Variants in SNX5 observed in about 807,000 individuals in gnomAD.
SNX5 encodes sorting nexin 5, also known as sorting nexin-5.
In SNX5, 31 loss-of-function variants were observed where a neutral mutation model predicts 53.9. The ratio of observed to expected loss-of-function variants is 0.58; its 90% CI spans 0.43 to 0.78. The LOEUF (loss-of-function observed/expected upper bound fraction) is 0.78, where lower values mean the gene tolerates loss of function less well. SNX5 is among the 30% of genes least tolerant of loss of function. SNX5 has a pLI of 0.00. For missense variants in SNX5, 471 were observed against 478.8 expected, an observed-to-expected ratio of 0.98 and a Z score of 0.15; for synonymous variants, 168 against 171.1, an observed-to-expected ratio of 0.98 and a Z score of 0.14.
intron 11 of SNX5, chr20:17,944,346 G>A (rs775746943): frequency 2.0e-5 from 3 of 151,966 alleles, no homozygotes; most frequent in Admixed American, 6.5e-5. Context: ...AATGAAAGAT[G>A]TTAATTAGCT....
chr20:17,952,621 C>A lies in SNX5; in HGVS notation c.479G>T (p.Arg160Leu). 1 of 1,613,728 alleles carries A rather than the reference C, an allele frequency of 6.2e-7. No homozygotes were observed. Among genetic ancestry groups the A allele is most frequent in the South Asian group, 1.1e-5 (1 of 91,020 alleles). ...ATATTCCAGGAAAACATGAAAGTTG[C>A]GATCTTTACTGAGAACAGGGTGAGA... ...LSSHPVLSKD[R>L]NFHVFLEYDQ... Residue 160 changes from arginine to leucine, a missense_variant, in exon 5 of 13, where the codon CGC (arginine) becomes CTC (leucine). By Grantham distance (102) the Arg-to-Leu change is moderately radical. Coordinates refer to ENST00000377759, the MANE Select transcript of SNX5 (RefSeq NM_014426.4).
intron 3 of SNX5, among the ~76,000 whole-genome samples, chr20:17,954,913 T>C (rs933950860): frequency 3.3e-5 from 5 of 152,210 alleles, no homozygotes; most frequent in African/African-American, 9.7e-5. Flanking sequence ...GGTCTCATCA[T>C]GTTGCCCAGG....
chr20:17,952,222 C>CA (rs2039580526), intron 5 of SNX5, among the ~76,000 whole-genome samples: 1 of 150,970 alleles, frequency 6.6e-6, no homozygotes, highest in Non-Finnish European at 1.5e-5. Context: ...GATTCTGCCT[C>CA]AAAAAAGAAA....
In SNX5 at chr20:17,943,212, T is replaced by C; in HGVS notation, c.1079-17A>G. ...TTATCAGTTCTACAGGAAGAAAAAA[T>C]GTTTATGAAACCAAGAAAAACTAAA... is the stretch of plus-strand genomic sequence containing the variant. On this transcript the variant is annotated splice_polypyrimidine_tract_variant and intron_variant, in intron 11 of 12. Coordinates refer to ENST00000377759, the MANE Select transcript of SNX5 (RefSeq NM_014426.4). 6.5e-7 allele frequency: 1 copy of C among 1,544,220 alleles called. No individual in the cohort carries two copies. The highest frequency in any genetic ancestry group is 2.2e-5 in the East Asian group (1 of 44,582).
At chr20:17,958,628 A>G (rs191644778) in intron 1 of SNX5, among the ~76,000 whole-genome samples, 1 of 152,286 alleles carries the variant, frequency 6.6e-6, no homozygotes, top group Admixed American at 6.5e-5. Flanking sequence ...TTCCACATGA[A>G]TTCTTGATAA....
rs369976519 is a variant in SNX5, at chr20:17,965,656, G to C, written c.51+2719C>G. ...ACTGCACTCCCGCCTGGGTGACAGA[G>C]CCAGACCCTGTCTCAAAAAAAAAAA... On this transcript the variant is annotated intron_variant, in intron 1 of 12. Coordinates refer to ENST00000377759, the MANE Select transcript of SNX5 (RefSeq NM_014426.4). 4.7e-5 allele frequency among the ~76,000 whole-genome samples: 6 copies of C among 128,128 alleles called. No individual in the cohort carries two copies. In the East Asian group the frequency reaches 1.2e-3, roughly 26 times the overall value. 84.1% of individuals were successfully genotyped at this position (128,128 alleles called of 152,430 possible).
chr20:17,956,845 TCAAGCTC>T, intron 2 of SNX5, 81 bp downstream of exon 2: 1 of 770,346 alleles, frequency 1.3e-6, no homozygotes, highest in Non-Finnish European at 2.4e-6. Context: ...AGCAACTGTT[TCAAGCTC>T]AGGGAATCTC....
chr20:17,962,954 C>T (rs370797152), intron 1 of SNX5: 35 of 513,630 alleles, frequency 6.8e-5, no homozygotes, highest in African/African-American at 6.6e-4. Flanking sequence ...CACAAGGCTG[C>T]AAGCCCATGT....
chr20:17,968,417 C>A lies in SNX5; in HGVS notation c.9G>T (p.Ala3=), dbSNP rs2035606488. Residue 3 remains alanine (A), a synonymous_variant, in exon 1 of 13, where the codon GCG becomes GCT. Transcript: ENST00000377759. MA[A]VPELLQQQEE... is the part of the protein sequence containing the mutation. The stretch of plus-strand genomic sequence containing the variant: ...CCTGCTGCTGCAGCAACTCGGGAAC[C>A]GCGGCCATGGCGACGCGGGACTCGA... 2.3e-6 allele frequency: 3 copies of A among 1,289,800 alleles called. No individual in the cohort carries two copies. The highest frequency in any genetic ancestry group is 3.0e-6 in the Non-Finnish European group (3 of 1,015,656). The allele number at this position is 1,289,800 out of a possible 1,614,324, so 79.9% of individuals were successfully genotyped here. A position where few individuals can be genotyped will look rare whatever the true frequency, so the allele number is the denominator to read the frequency against.
chr20:17,961,693 G>GCTACAGTGTCTTCTCTTTCAAA, intron 1 of SNX5: 6 of 984,906 alleles, frequency 6.1e-6, no homozygotes, highest in Non-Finnish European at 7.2e-6. Context: ...AGCAGCACAT[G>GCTACAGTGTCTTCTCTTTCAAA]CTACAGTGTC....
chr20:17,956,956 C>CT lies in SNX5; in HGVS notation c.132dup (p.Val45SerfsTer26). ...ACCTTTGTGTGCACTGTAAATTTGA[C>CT]TTTGTCTCTCTCACTGAGCGCATCA... On this transcript the variant is annotated frameshift_variant, in exon 2 of 13. Transcript: ENST00000377759. LOFTEE classifies it high-confidence loss of function. The CT allele has an allele frequency of 6.3e-7, 1 of 1,599,576 alleles. No homozygotes were observed. Among genetic ancestry groups the CT allele is most frequent in the African/African-American group, 1.3e-5 (1 of 74,744 alleles).
intron 4 of SNX5, among the ~76,000 whole-genome samples, chr20:17,953,176 T>G (rs947252711): frequency 1.3e-5 from 2 of 152,152 alleles, no homozygotes; most frequent in African/African-American, 4.8e-5. Context: ...CAGTGCCTCA[T>G]TCCCCAGAGC....
intron 1 of SNX5, among the ~76,000 whole-genome samples, chr20:17,960,306 C>T (rs890372173): frequency 6.6e-6 from 1 of 151,834 alleles, no homozygotes; most frequent in Non-Finnish European, 1.5e-5. Flanking sequence ...ACTAAAAATA[C>T]AAAAAGTGGC....
rs552708122 is a variant in SNX5 at position 17,945,805 on chromosome 20, A to G, written c.1078+1681T>C. On this transcript the variant is annotated intron_variant, in intron 11 of 12. Transcript: ENST00000377759. ...GACAGACAAATGATTAGAAATCTAT[A>G]AAGTCTAGGTTTCCCCCAGGTAGCT... Among the ~76,000 whole-genome samples, 4 of 152,326 alleles carry G rather than the reference A, an allele frequency of 2.6e-5. No individual in the cohort carries two copies. The East Asian group carries it at 7.7e-4, about 29-fold the overall frequency.
Position 17,943,169 on chromosome 20 carries a change from C to A in SNX5, c.1105G>T (p.Val369Leu). 6.2e-7 allele frequency: 1 copy of A among 1,609,960 alleles called. No homozygotes were observed. The highest frequency in any genetic ancestry group is 8.5e-7 in the Non-Finnish European group (1 of 1,176,242). The change falls in exon 12 of 13, where the codon GTG becomes TTG. Residue 369 changes from valine to leucine, a missense_variant. Transcript: ENST00000377759. ...EELINFKRKR[V>L]AAFRKNLIEM... The stretch of plus-strand genomic sequence containing the variant: ...ATTAGATTCTTTCTAAATGCTGCCA[C>A]TCTCTTCCGTTTGAAATTTATCAGT...
At chr20:17,968,096 G>T (rs188104698) in intron 1 of SNX5, 1 of 398,810 alleles carries the variant, frequency 2.5e-6, no homozygotes, top group Non-Finnish European at 4.4e-6. Context: ...GGTCTCCAGA[G>T]ATCATCTCTC....
At chr20:17,943,510 A>G (rs2039445362) in intron 11 of SNX5, 2 of 299,686 alleles carry the variant, frequency 6.7e-6, no homozygotes, top group Non-Finnish European at 1.3e-5. Flanking sequence ...AGTGACTGGG[A>G]ACAGGGCTGG....
intron 2 of SNX5, among the ~76,000 whole-genome samples, chr20:17,955,824 C>T (rs2035342851): frequency 6.6e-6 from 1 of 152,174 alleles, no homozygotes; most frequent in Non-Finnish European, 1.5e-5. Flanking sequence ...GTCTGGCTGT[C>T]ACCCAGGCTG....
At position 17,948,853 on chromosome 20, in the gene SNX5, T is replaced by C. The variant is rs771522193; in HGVS notation, c.918+37A>G. 7.8e-6 allele frequency: 12 copies of C among 1,533,186 alleles called. No individual in the cohort carries two copies. The East Asian group carries it at 2.7e-4, about 34-fold the overall frequency. 95.0% of individuals were successfully genotyped at this position (1,533,186 alleles called of 1,614,324 possible). A position where few individuals can be genotyped will look rare whatever the true frequency, so the allele number is the denominator to read the frequency against. On this transcript the variant is annotated intron_variant, in intron 10 of 12. Coordinates refer to ENST00000377759, the MANE Select transcript of SNX5 (RefSeq NM_014426.4). The stretch of plus-strand genomic sequence containing the variant: ...AACTTTTTAAACAGACTTCTGGTCC[T>C]GCACTGCTCTGAGAAGCTGAGCAAC...
Sources: gnomAD v4.1 joint callset for allele counts (sites outside exome capture counted in the v4.1 genomes callset) on GRCh38, gnomAD v4.1.1 for gene constraint, MANE v1.5 for transcripts, NCBI Gene and HGNC (gene_info 2026-07-23, HGNC 2026-07-21) for gene names.